COL26A1: variants seen among roughly 807,000 people sequenced by gnomAD.
COL26A1 encodes collagen alpha-1(XXVI) chain.
A neutral mutation model predicts 59.3 loss-of-function variants in COL26A1; 41 were observed. That is an observed-to-expected ratio of 0.69 (90% CI 0.54 to 0.90). The LOEUF (loss-of-function observed/expected upper bound fraction) is 0.90, where lower values mean the gene tolerates loss of function less well. Among genes scored for constraint, COL26A1 ranks in the 40% least tolerant of loss-of-function variants. The pLI is 0.00. For missense variants in COL26A1, 612 were observed against 602.3 expected (o/e 1.02, Z -0.17); for synonymous variants, 266 against 256.0 (o/e 1.04, Z -0.37).
chr7:101,423,377 A>G (rs527445726), intron 2 of COL26A1, among the ~76,000 whole-genome samples: 4 of 152,236 alleles, frequency 2.6e-5, no homozygotes, highest in Non-Finnish European at 5.9e-5. Context: ...TCAAGTGATC[A>G]TTAATGTTGC....
chr7:101,546,864 G>T (rs563498061), intron 7 of COL26A1, among the ~76,000 whole-genome samples: 3,749 of 130,382 alleles, frequency 0.029, 108 homozygotes, highest in Non-Finnish European at 0.039. Context: ...CCAGCCTGGG[G>T]CATTGGAGAA....
At chr7:101,489,874 CTTTCTTTCTTTCTTTCTTTCTTTCTTTCT>C (rs1794410766) in intron 3 of COL26A1, among the ~76,000 whole-genome samples, 1 of 63,224 alleles carries the variant, frequency 1.6e-5, no homozygotes, top group Non-Finnish European at 3.2e-5. Context: ...TTCTTTCTTT[CTTTCTTTCTTTCTTTCTTTCTTTCTTTCT>C]TTCTTTCTTT....
chr7:101,399,658 C>T (rs1388997540), intron 1 of COL26A1, among the ~76,000 whole-genome samples: 1 of 152,064 alleles, frequency 6.6e-6, no homozygotes, highest in African/African-American at 2.4e-5. Context: ...AGAGTTTCAC[C>T]ATGTTGCCCA....
intron 9 of COL26A1, 51 bp from the exon 10 acceptor site, chr7:101,551,055 GGA>G (rs1477036184): frequency 1.8e-5 from 28 of 1,544,756 alleles, no homozygotes; most frequent in Non-Finnish European, 2.5e-5. Context: ...AGAGGGCACT[GGA>G]GACTTGGCCA....
intron 3 of COL26A1, among the ~76,000 whole-genome samples, chr7:101,520,627 G>GACACACACACAC (rs1250474937): frequency 5.1e-4 from 45 of 89,002 alleles, no homozygotes; most frequent in Admixed American, 1.8e-3. Flanking sequence ...GACAAGCACA[G>GACACACACACAC]ACACATACAC....
intron 3 of COL26A1, among the ~76,000 whole-genome samples, chr7:101,491,254 G>T (rs6970490): frequency 1.8e-4 from 27 of 151,938 alleles, no homozygotes; most frequent in Admixed American, 3.9e-4. Flanking sequence ...TCCCGTGCAG[G>T]GGTGTCGTAT....
intron 3 of COL26A1, among the ~76,000 whole-genome samples, chr7:101,531,192 C>T (rs1177668523): frequency 5.3e-5 from 8 of 152,104 alleles, no homozygotes; most frequent in African/African-American, 1.4e-4. Context: ...AGGATTGTCT[C>T]GATCTCCTGA....
intron 1 of COL26A1, among the ~76,000 whole-genome samples, chr7:101,379,467 T>TTCACCCTCCAGATCCTTCCTGCCTC (rs1311454772): frequency 1.3e-5 from 2 of 152,082 alleles, no homozygotes; most frequent in African/African-American, 2.4e-5. Flanking sequence ...TTGCCTGCCT[T>TTCACCCTCCAGATCCTTCCTGCCTC]TCACCCTCCA....
chr7:101,427,675 T>A (rs953824116), intron 2 of COL26A1, among the ~76,000 whole-genome samples: 24 of 118,486 alleles, frequency 2.0e-4, no homozygotes, highest in African/African-American at 6.0e-4. Flanking sequence ...AAAAAAAAAA[T>A]TATTTTTTGT....
intron 1 of COL26A1, among the ~76,000 whole-genome samples, chr7:101,391,788 C>G (rs1283771535): frequency 6.6e-6 from 1 of 152,200 alleles, no homozygotes; most frequent in African/African-American, 2.4e-5. Context: ...CTCCTGACCT[C>G]AAATGATCTG....
At chr7:101,482,055 C>T (rs1291938996) in intron 3 of COL26A1, among the ~76,000 whole-genome samples, 1 of 151,328 alleles carries the variant, frequency 6.6e-6, no homozygotes, top group Admixed American at 6.6e-5. Context: ...CTCACTCTGT[C>T]ACCCAGGCTG....
At chr7:101,489,826 CTTT>C (rs1563008127) in intron 3 of COL26A1, among the ~76,000 whole-genome samples, 149 of 9,380 alleles carry the variant, frequency 0.016, 18 homozygotes, top group Admixed American at 0.028. Flanking sequence ...TTCTTTCTTT[CTTT>C]CTTTCTTTCT....
At chr7:101,494,692 T>A (rs1267902231) in intron 3 of COL26A1, among the ~76,000 whole-genome samples, 2 of 152,054 alleles carry the variant, frequency 1.3e-5, no homozygotes, top group Admixed American at 6.5e-5. Context: ...GGTGAATGGG[T>A]GAGAGAGTGA....
chr7:101,409,630 C>A (rs1792199228), intron 1 of COL26A1, among the ~76,000 whole-genome samples: 1 of 152,196 alleles, frequency 6.6e-6, no homozygotes, highest in South Asian at 2.1e-4. Flanking sequence ...GGGTTCTCAC[C>A]CACCATGCAG....
chr7:101,454,596 T>G (rs188804716), intron 3 of COL26A1, among the ~76,000 whole-genome samples: 1 of 152,280 alleles, frequency 6.6e-6, no homozygotes, highest in African/African-American at 2.4e-5. Flanking sequence ...ACCATAGTTT[T>G]TGCATCTTTC....
intron 1 of COL26A1, among the ~76,000 whole-genome samples, chr7:101,399,451 G>A (rs752131989): frequency 6.6e-6 from 1 of 152,082 alleles, no homozygotes; most frequent in Non-Finnish European, 1.5e-5. Context: ...AGCCTCCTGA[G>A]TAGCTAGGAT....
chr7:101,495,710 C>T (rs1247742411), intron 3 of COL26A1, among the ~76,000 whole-genome samples: 20 of 151,438 alleles, frequency 1.3e-4, no homozygotes, highest in South Asian at 2.1e-4. Context: ...TGAGCCACCG[C>T]GCCCGGCCAG....
intron 2 of COL26A1, among the ~76,000 whole-genome samples, chr7:101,436,587 C>G (rs111877136): frequency 1.9e-4 from 29 of 152,186 alleles, no homozygotes; most frequent in African/African-American, 7.0e-4. Flanking sequence ...AATGTCCCCC[C>G]GCACCCGAGG....
intron 6 of COL26A1, among the ~76,000 whole-genome samples, chr7:101,544,587 C>T (rs566746872): frequency 2.1e-5 from 3 of 141,814 alleles, no homozygotes; most frequent in African/African-American, 5.4e-5. Context: ...GACTGGAGCA[C>T]GGTGGCACAA....
Sources: allele counts gnomAD v4.1 joint callset (sites outside exome capture counted in the v4.1 genomes callset), GRCh38; gene constraint gnomAD v4.1.1; transcripts MANE v1.5; gene names NCBI Gene and HGNC (gene_info 2026-07-23, HGNC 2026-07-21).